Variants in MRTFA observed in about 807,000 individuals in gnomAD.
MRTFA encodes the protein myocardin-related transcription factor A.
In MRTFA, 20 loss-of-function variants were observed where a neutral mutation model predicts 83.5. The ratio of observed to expected loss-of-function variants is 0.24; its 90% CI spans 0.17 to 0.35. The LOEUF (loss-of-function observed/expected upper bound fraction) is 0.35, where lower values mean the gene tolerates loss of function less well. Ranked by LOEUF, MRTFA falls within the 10% of genes least tolerant of loss-of-function variation. The pLI is 1.00. For synonymous variants in MRTFA, 659 were observed against 541.2 expected, an observed-to-expected ratio of 1.22 and a Z score of -3.02; for missense variants, 1,200 against 1,224.7, an observed-to-expected ratio of 0.98 and a Z score of 0.30.
At position 40,416,692 on chromosome 22, in the gene MRTFA, AT is replaced by A. The variant is rs1367858891; in HGVS notation, c.2578+293del. Among the ~76,000 whole-genome samples, 1 of 152,118 alleles carries A rather than the reference AT, an allele frequency of 6.6e-6. No individual in the cohort carries two copies. Among genetic ancestry groups the A allele is most frequent in the Non-Finnish European group, 1.5e-5 (1 of 68,024 alleles). ...TCCATATGATCTGCTTATTTCTTAT[AT>A]TTGTTGTCCACCTCCCCAGGCTGCA... is the stretch of plus-strand genomic sequence containing the variant. On this transcript the variant is annotated intron_variant, in intron 14 of 14. Transcript: ENST00000355630. This position sits in a 1 kb window ranked among gnomAD's most constrained non-coding sequence, Gnocchi z 4.2.
intron 1 of MRTFA, among the ~76,000 whole-genome samples, chr22:40,633,942 C>T (rs930714890): frequency 3.9e-5 from 6 of 152,140 alleles, no homozygotes; most frequent in African/African-American, 1.4e-4. Flanking sequence ...ACTTCTGTAT[C>T]CCTAAATGAG....
At chr22:40,629,287 T>C (rs1425992642) in intron 1 of MRTFA, among the ~76,000 whole-genome samples, 1 of 145,680 alleles carries the variant, frequency 6.9e-6, no homozygotes, top group Non-Finnish European at 1.5e-5. Flanking sequence ...CTACCAAAAA[T>C]ACAAAAAAAT....
chr22:40,431,556 C>A, intron 5 of MRTFA, 76 bp from the exon 6 acceptor site: 1 of 1,401,804 alleles, frequency 7.1e-7, no homozygotes, highest in South Asian at 1.2e-5. Context: ...ACAACAGCAG[C>A]CTTGGCCATG....
At chr22:40,470,231 TTATATATATATATA>T (rs71328709) in intron 3 of MRTFA, among the ~76,000 whole-genome samples, 1,121 of 45,610 alleles carry the variant, frequency 0.025, 41 homozygotes, top group Middle Eastern at 0.049. Context: ...CTCCAAAATT[TTATATATATATATA>T]TATATATATA....
chr22:40,431,518 G>A, intron 5 of MRTFA, 38 bp from the exon 6 acceptor site: 1 of 1,594,196 alleles, frequency 6.3e-7, no homozygotes, highest in Non-Finnish European at 8.6e-7. Flanking sequence ...TCAAATCCAG[G>A]TCACAGGCTT....
Position 40,417,486 on chromosome 22 carries a change from G to C in MRTFA, c.2372C>G (p.Ser791Cys). ...GGCAGGCGCTGGAGAGCCAGGCTGG[G>C]ACGAGGGCTGGACAGGAGAGCAGGG... Residue 791 changes from serine (S) to cysteine (C), a missense_variant, in exon 13 of 15, where the codon TCC becomes TGC. By Grantham distance (112) the Ser-to-Cys change is moderately radical. Around this residue, in one of 2 missense-constraint regions of MRTFA, gnomAD observed 1,107 missense variants for 1,041.8 expected, o/e 1.06. Coordinates refer to ENST00000355630, the MANE Select transcript of MRTFA (RefSeq NM_020831.6). 1 of 1,463,294 alleles carries C rather than the reference G, an allele frequency of 6.8e-7. No homozygotes were observed. Among genetic ancestry groups the C allele is most frequent in the Non-Finnish European group, 9.2e-7 (1 of 1,090,228 alleles). The allele number at this position is 1,463,294 out of a possible 1,614,324, so 90.6% of individuals were successfully genotyped here.
At chr22:40,589,344 T>C (rs2056083065) in intron 2 of MRTFA, among the ~76,000 whole-genome samples, 1 of 152,226 alleles carries the variant, frequency 6.6e-6, no homozygotes, top group Non-Finnish European at 1.5e-5. Flanking sequence ...TTACTGAACA[T>C]CTGTGACCAA....
At chr22:40,561,212 CTGTGTG>C (rs60830555) in intron 2 of MRTFA, among the ~76,000 whole-genome samples, 4 of 146,006 alleles carry the variant, frequency 2.7e-5, no homozygotes, top group Non-Finnish European at 3.0e-5. Context: ...GTGTGTGTGT[CTGTGTG>C]TGTGTGTGTG....
At chr22:40,620,614 A>T (rs2056511354) in intron 1 of MRTFA, among the ~76,000 whole-genome samples, 1 of 151,972 alleles carries the variant, frequency 6.6e-6, no homozygotes, top group African/African-American at 2.4e-5. Context: ...TGTTAAGAAA[A>T]GCATGCTGTG....
At chr22:40,444,492 A>G (rs1259811661) in intron 4 of MRTFA, among the ~76,000 whole-genome samples, 1 of 152,262 alleles carries the variant, frequency 6.6e-6, no homozygotes, top group Non-Finnish European at 1.5e-5. Context: ...AAAAAAATTT[A>G]TAGTAACATA....
chr22:40,576,796 T>G (rs1165418648), intron 2 of MRTFA, among the ~76,000 whole-genome samples: 1 of 152,218 alleles, frequency 6.6e-6, no homozygotes, highest in Non-Finnish European at 1.5e-5. Flanking sequence ...AAGATCATAA[T>G]GAGGCCGGGC....
intron 3 of MRTFA, among the ~76,000 whole-genome samples, chr22:40,485,138 T>A (rs572611168): frequency 1.3e-5 from 2 of 152,254 alleles, no homozygotes; most frequent in African/African-American, 4.8e-5. Flanking sequence ...CATACCTCAA[T>A]TTTCTAGCAT....
intron 3 of MRTFA, among the ~76,000 whole-genome samples, chr22:40,466,546 G>A (rs1436930543): frequency 6.6e-6 from 1 of 152,040 alleles, no homozygotes; most frequent in Admixed American, 6.6e-5. Flanking sequence ...AATCTAAGAG[G>A]GATAAAAGGG....
At chr22:40,601,634 T>C (rs1237384320) in intron 1 of MRTFA, among the ~76,000 whole-genome samples, 3 of 152,004 alleles carry the variant, frequency 2.0e-5, no homozygotes, top group Admixed American at 2.0e-4. Context: ...ATCACATAGA[T>C]GACAAAAAAA....
intron 3 of MRTFA, among the ~76,000 whole-genome samples, chr22:40,524,611 G>A (rs192918478): frequency 2.5e-4 from 38 of 152,320 alleles, no homozygotes; most frequent in African/African-American, 8.7e-4. Context: ...AGAGGGAACA[G>A]TTTAATGAGA....
At chr22:40,458,122 G>C (rs901402059) in intron 4 of MRTFA, among the ~76,000 whole-genome samples, 3 of 152,076 alleles carry the variant, frequency 2.0e-5, no homozygotes, top group African/African-American at 7.2e-5. Flanking sequence ...TTAATCTTTG[G>C]ATTTCAAGAC....
intron 1 of MRTFA, among the ~76,000 whole-genome samples, chr22:40,603,410 T>C (rs530259285): frequency 2.0e-4 from 31 of 152,352 alleles, no homozygotes; most frequent in Middle Eastern, 3.4e-3. Flanking sequence ...AGTTTTTTCT[T>C]ATTGGTAACC....
chr22:40,418,662 G>A lies in MRTFA; in HGVS notation c.2076C>T (p.Gly692=), dbSNP rs538333988. ...GGCTGGGGTTGAATGGGTGAGCGGG[G>A]CCCAGGGGCTGCTGGCTCAGCTGGC... The change falls in exon 12 of 15, where the codon GGC becomes GGT. Residue 692 remains glycine (G), a synonymous_variant. Transcript: ENST00000355630. 15 of 1,452,188 alleles carry A rather than the reference G, an allele frequency of 1.0e-5. 1 individual carries two copies. In the South Asian group the frequency reaches 1.0e-4, roughly 10 times the overall value. The allele number at this position is 1,452,188 out of a possible 1,614,324, so 90.0% of individuals were successfully genotyped here. A position where few individuals can be genotyped will look rare whatever the true frequency, so the allele number is the denominator to read the frequency against.
chr22:40,457,434 AAG>A (rs150701613), intron 4 of MRTFA, among the ~76,000 whole-genome samples: 12,550 of 91,318 alleles, frequency 0.14, 777 homozygotes, highest in East Asian at 0.32. Flanking sequence ...GAAAGAAAGA[AAG>A]AGAAAGAAAG....
Sources: allele counts gnomAD v4.1 joint callset (sites outside exome capture counted in the v4.1 genomes callset), GRCh38; gene constraint gnomAD v4.1.1; regional missense constraint gnomAD v4.1.1; non-coding constraint Gnocchi (gnomAD v3.1); transcripts MANE v1.5; gene names NCBI Gene and HGNC (gene_info 2026-07-23, HGNC 2026-07-21).